PPP4C: variants seen among roughly 807,000 people sequenced by gnomAD.
PPP4C encodes serine/threonine-protein phosphatase 4 catalytic subunit.
In PPP4C, 10 loss-of-function variants were observed where a neutral mutation model predicts 40.5. The observed-to-expected ratio is 0.25, with a 90% CI of 0.15 to 0.42. The LOEUF (loss-of-function observed/expected upper bound fraction) is 0.42, where lower values mean the gene tolerates loss of function less well. Ranked by LOEUF, PPP4C falls within the 10% of genes least tolerant of loss-of-function variation. The pLI is 1.00. For missense variants in PPP4C, 191 were observed against 416.4 expected, an observed-to-expected ratio of 0.46 and a Z score of 4.71; for synonymous variants, 187 against 163.6, an observed-to-expected ratio of 1.14 and a Z score of -1.09.
Position 30,084,784 on chromosome 16 carries a change from G to A in PPP4C, c.723G>A (p.Val241=), listed in dbSNP as rs1174720921. ...TGATCTGCCGTGCCCACCAACTGGT[G>A]ATGGAAGGTTACAAGTGGCACTTCA... ...IDMICRAHQL[V]MEGYKWHFNE... Residue 241 remains valine, a synonymous_variant, in exon 8 of 9, where the codon GTG becomes GTA. Transcript: ENST00000279387. 1.2e-6 allele frequency: 2 copies of A among 1,614,138 alleles called. No individual in the cohort carries two copies. Among genetic ancestry groups the A allele is most frequent in the Admixed American group, 1.7e-5 (1 of 60,012 alleles).
Position 30,085,220 on chromosome 16 carries a change from G to A in PPP4C, c.*158G>A, listed in dbSNP as rs2072599504. ...GGTGAGGACTTCTCTGGAGAGGCCT[G>A]GAGACCTAGCTCCATGTTCCTCCTC... On this transcript the variant is annotated 3_prime_UTR_variant, in exon 9 of 9. Coordinates refer to ENST00000279387, the MANE Select transcript of PPP4C (RefSeq NM_002720.3). 2.5e-6 allele frequency: 2 copies of A among 792,066 alleles called. No homozygotes were observed. The highest frequency in any genetic ancestry group is 3.9e-6 in the Non-Finnish European group (2 of 507,464). The allele number at this position is 792,066 out of a possible 1,614,324, so 49.1% of individuals were successfully genotyped here.
Position 30,082,835 on chromosome 16 carries a change from G to T in PPP4C, c.291G>T (p.Leu97=), listed in dbSNP as rs1402877508. The change falls in exon 5 of 9, where the codon CTG becomes CTT. Residue 97 remains leucine, a synonymous_variant. Transcript: ENST00000279387. ...GFYSVETFLL[L]LALKVRYPDR... is the part of the protein sequence containing the mutation. ...ATAGCGTCGAAACGTTCCTCCTGCT[G>T]CTGGCACTTAAGGTGGCAGTCCCCG... 1 of 1,614,058 alleles carries T rather than the reference G, an allele frequency of 6.2e-7. No homozygotes were observed.
rs142289520 is a variant in PPP4C, at chr16:30,083,480, C to T, written c.390C>T (p.Cys130=). 6.2e-7 allele frequency: 1 copy of T among 1,614,144 alleles called. No individual in the cohort carries two copies. Among genetic ancestry groups the T allele is most frequent in the Non-Finnish European group, 8.5e-7 (1 of 1,180,028 alleles). Residue 130 remains cysteine, a synonymous_variant, in exon 6 of 9, where the codon TGC becomes TGT. Coordinates refer to ENST00000279387, the MANE Select transcript of PPP4C (RefSeq NM_002720.3). This position sits in a 1 kb window ranked among gnomAD's most constrained non-coding sequence, Gnocchi z 6.3. ...ITQVYGFYDE[C]LRKYGSVTVW... ...AGGTCTATGGCTTCTACGATGAGTG[C>T]CTGCGCAAGTACGGCTCGGTGACTG...
At position 30,083,486 on chromosome 16, in the gene PPP4C, C is replaced by T. The variant is rs1490499085; in HGVS notation, c.396C>T (p.Arg132=). 6.2e-7 allele frequency: 1 copy of T among 1,614,084 alleles called. No individual in the cohort carries two copies. ...QVYGFYDECL[R]KYGSVTVWRY... ...ATGGCTTCTACGATGAGTGCCTGCG[C>T]AAGTACGGCTCGGTGACTGTGTGGC... is the stretch of plus-strand genomic sequence containing the variant. Residue 132 remains arginine, a synonymous_variant, in exon 6 of 9, where the codon CGC becomes CGT. Coordinates refer to ENST00000279387, the MANE Select transcript of PPP4C (RefSeq NM_002720.3). The surrounding 1 kb of genome is among the most constrained non-coding windows in gnomAD (Gnocchi z 6.3).
Position 30,083,650 on chromosome 16 carries a change from T to G in PPP4C, c.478-5T>G. On this transcript the variant is annotated splice_region_variant and splice_polypyrimidine_tract_variant and intron_variant, in intron 6 of 8. Transcript: ENST00000279387. The surrounding 1 kb of genome is among the most constrained non-coding windows in gnomAD (Gnocchi z 6.3). Reference sequence around the variant, plus strand: ...CCCGTCCTCTTTCCCTGCTCTCCCCTGTAGATCTTCTGCGTGCACGGGGGC... The same window carrying G: ...CCCGTCCTCTTTCCCTGCTCTCCCCGGTAGATCTTCTGCGTGCACGGGGGC... 1 of 1,614,160 alleles carries G rather than the reference T, an allele frequency of 6.2e-7. No individual in the cohort carries two copies. Among genetic ancestry groups the G allele is most frequent in the Non-Finnish European group, 8.5e-7 (1 of 1,180,028 alleles).
At chr16:30,081,181 TC>T (rs1443355800) in intron 2 of PPP4C, 77 bp from the exon 3 acceptor site, 1 of 1,602,914 alleles carries the variant, frequency 6.2e-7, no homozygotes. Context: ...CCTCATATCC[TC>T]CCCTCCCCCC....
intron 2 of PPP4C, among the ~76,000 whole-genome samples, chr16:30,079,872 C>A (rs1255854995): frequency 6.6e-6 from 1 of 152,182 alleles, no homozygotes; most frequent in Non-Finnish European, 1.5e-5. Context: ...CATATCCCAC[C>A]TGTGTCACTG....
At chr16:30,082,670 G>A in intron 4 of PPP4C, 76 bp from the exon 5 acceptor site, 1 of 1,535,446 alleles carries the variant, frequency 6.5e-7, no homozygotes, top group South Asian at 1.2e-5. Context: ...TGTGGAAGAA[G>A]GGCCTCCGCT....
At chr16:30,077,362 A>G (rs1037430749) in intron 2 of PPP4C, among the ~76,000 whole-genome samples, 10 of 152,304 alleles carry the variant, frequency 6.6e-5, no homozygotes, top group African/African-American at 2.4e-4. Flanking sequence ...ATCACCAGGT[A>G]TTCTATTTCT....
chr16:30,076,506 C>G, intron 2 of PPP4C, 31 bp downstream of exon 2: 1 of 1,578,064 alleles, frequency 6.3e-7, no homozygotes, highest in African/African-American at 1.4e-5. Flanking sequence ...GAAGGGAGGC[C>G]AAGCCGCCGC....
chr16:30,079,600 G>A (rs551642898), intron 2 of PPP4C, among the ~76,000 whole-genome samples: 1 of 152,292 alleles, frequency 6.6e-6, no homozygotes, highest in South Asian at 2.1e-4. Context: ...AAGCAGTGCA[G>A]GTGGGAGAGT....
Position 30,083,263 on chromosome 16 carries a change from C to A in PPP4C, c.304-131C>A. The A allele has an allele frequency of 9.3e-7, 1 of 1,077,954 alleles. No homozygotes were observed. Among genetic ancestry groups the A allele is most frequent in the Non-Finnish European group, 1.4e-6 (1 of 740,278 alleles). 66.8% of individuals were successfully genotyped at this position (1,077,954 alleles called of 1,614,324 possible). On this transcript the variant is annotated intron_variant, in intron 5 of 8. Coordinates refer to ENST00000279387, the MANE Select transcript of PPP4C (RefSeq NM_002720.3). This position sits in a 1 kb window ranked among gnomAD's most constrained non-coding sequence, Gnocchi z 6.3. The stretch of plus-strand genomic sequence containing the variant: ...GGGAGGTGGCTGATGCCACACGATT[C>A]AGGCAAGAGGTGCCAGGAGTGTGCT...
At chr16:30,076,804 A>T (rs1365564554) in intron 2 of PPP4C, among the ~76,000 whole-genome samples, 2 of 152,218 alleles carry the variant, frequency 1.3e-5, no homozygotes, top group Non-Finnish European at 2.9e-5. Context: ...TCGAATAAGG[A>T]GGTGGTAAAA....
chr16:30,084,899 G>T (rs1404223669), intron 8 of PPP4C, 34 bp from the exon 9 acceptor site: 1 of 1,613,688 alleles, frequency 6.2e-7, no homozygotes. Flanking sequence ...CATCTGAGCC[G>T]AGCTGCTCCT....
Position 30,078,654 on chromosome 16 carries a change from C to G in PPP4C, c.98+2179C>G, listed in dbSNP as rs549543202. On this transcript the variant is annotated intron_variant, in intron 2 of 8. Coordinates refer to ENST00000279387, the MANE Select transcript of PPP4C (RefSeq NM_002720.3). ...AGCTTGCCTAGAGGGCACAGACATGCAGATGAAACCAGTGGAAGCACAGAG... is the reference window on the plus strand; with the variant it reads ...AGCTTGCCTAGAGGGCACAGACATGGAGATGAAACCAGTGGAAGCACAGAG... Among the ~76,000 whole-genome samples, 3 of 152,308 alleles carry G rather than the reference C, an allele frequency of 2.0e-5. No individual in the cohort carries two copies. In the South Asian group the frequency reaches 6.2e-4, roughly 32 times the overall value.
intron 2 of PPP4C, among the ~76,000 whole-genome samples, chr16:30,080,190 C>G (rs1433912410): frequency 6.6e-6 from 1 of 151,558 alleles, no homozygotes; most frequent in Non-Finnish European, 1.5e-5. Context: ...ACTAAAAATA[C>G]AAAAATTAGC....
At chr16:30,076,560 C>T in intron 2 of PPP4C, 85 bp downstream of exon 2, 2 of 1,371,204 alleles carry the variant, frequency 1.5e-6, no homozygotes, top group South Asian at 1.2e-5. Flanking sequence ...GAACTTTGGG[C>T]TTGCCTCGTT....
intron 2 of PPP4C, among the ~76,000 whole-genome samples, chr16:30,077,886 C>G (rs1357137402): frequency 6.6e-6 from 1 of 152,130 alleles, no homozygotes; most frequent in African/African-American, 2.4e-5. Flanking sequence ...TTTGCCTGGC[C>G]CTGCCTCACA....
rs2072393720 is a variant in PPP4C at position 30,076,324 on chromosome 16, G to T, written c.-54G>T. On this transcript the variant is annotated 5_prime_UTR_variant, in exon 2 of 9. Transcript: ENST00000279387. ...TCTTGGCCTTTCCCAGGAGACCCCT[G>T]TGCGGTGCGGAGGGGGCGGCGGCCC... is the stretch of plus-strand genomic sequence containing the variant. The T allele has an allele frequency of 8.3e-6, 13 of 1,568,100 alleles. No homozygotes were observed. Among genetic ancestry groups the T allele is most frequent in the Non-Finnish European group, 9.6e-6 (11 of 1,144,846 alleles).
Sources: allele counts gnomAD v4.1 joint callset (sites outside exome capture counted in the v4.1 genomes callset), GRCh38; gene constraint gnomAD v4.1.1; non-coding constraint Gnocchi (gnomAD v3.1); transcripts MANE v1.5; gene names NCBI Gene and HGNC (gene_info 2026-07-23, HGNC 2026-07-21).